PLXNC1: variants seen among roughly 807,000 people sequenced by gnomAD.
PLXNC1 encodes plexin C1, also known as plexin-C1.
In PLXNC1, 75 loss-of-function variants were observed where a neutral mutation model predicts 178.2. That is an observed-to-expected ratio of 0.42 (90% CI 0.35 to 0.51). The LOEUF (loss-of-function observed/expected upper bound fraction) is 0.51, where lower values mean the gene tolerates loss of function less well. Ranked by LOEUF, PLXNC1 falls within the 20% of genes least tolerant of loss-of-function variation. The pLI is 0.02. For synonymous variants in PLXNC1, 790 were observed against 779.9 expected (o/e 1.01, Z -0.22); for missense variants, 1,503 against 1,984.4 (o/e 0.76, Z 4.61).
chr12:94,206,239 C>A (rs1439524616), intron 4 of PLXNC1, among the ~76,000 whole-genome samples: 2 of 151,032 alleles, frequency 1.3e-5, no homozygotes, highest in African/African-American at 4.9e-5. Context: ...TGACTTGGGG[C>A]CGGAGTAGGT....
intron 12 of PLXNC1, among the ~76,000 whole-genome samples, chr12:94,244,715 A>T (rs1964481277): frequency 6.6e-6 from 1 of 152,222 alleles, no homozygotes; most frequent in African/African-American, 2.4e-5. Context: ...ACGATAGCTA[A>T]TGAGCTAAAA....
At chr12:94,157,920 C>T (rs892889314) in intron 1 of PLXNC1, among the ~76,000 whole-genome samples, 1 of 152,186 alleles carries the variant, frequency 6.6e-6, no homozygotes, top group South Asian at 2.1e-4. Context: ...TGTGAATTCC[C>T]TGTAATTTTC....
chr12:94,158,726 G>A (rs79834121), intron 1 of PLXNC1, among the ~76,000 whole-genome samples: 9 of 152,248 alleles, frequency 5.9e-5, no homozygotes, highest in South Asian at 2.1e-4. Flanking sequence ...GCTTGAGCCC[G>A]GGAGTTAAAA....
intron 5 of PLXNC1, among the ~76,000 whole-genome samples, chr12:94,214,908 T>A (rs1963598983): frequency 1.3e-5 from 2 of 152,316 alleles, no homozygotes; most frequent in South Asian, 4.1e-4. Context: ...GCTATTTTTT[T>A]TTTTTGAGAC....
chr12:94,188,612 C>T (rs1318975785), intron 4 of PLXNC1, among the ~76,000 whole-genome samples: 1 of 152,198 alleles, frequency 6.6e-6, no homozygotes, highest in Non-Finnish European at 1.5e-5. Context: ...CCGTGAGCCA[C>T]CACGCCCAGC....
chr12:94,228,739 C>T (rs1317958588), intron 9 of PLXNC1, among the ~76,000 whole-genome samples: 2 of 152,140 alleles, frequency 1.3e-5, no homozygotes, highest in Admixed American at 1.3e-4. Context: ...GAATTCCCTT[C>T]TTTTCTAAGG....
At chr12:94,164,961 G>A (rs1961552777) in intron 1 of PLXNC1, among the ~76,000 whole-genome samples, 1 of 152,170 alleles carries the variant, frequency 6.6e-6, no homozygotes, top group Non-Finnish European at 1.5e-5. Flanking sequence ...GGTTTAGAGC[G>A]AAATCAAGAT....
At chr12:94,249,932 G>GGGGGGT (rs1322557531) in intron 14 of PLXNC1, among the ~76,000 whole-genome samples, 1 of 133,082 alleles carries the variant, frequency 7.5e-6, no homozygotes, top group East Asian at 2.7e-4. Flanking sequence ...CACCAGTGTG[G>GGGGGGT]GGGGGTGGGG....
intron 6 of PLXNC1, among the ~76,000 whole-genome samples, chr12:94,220,520 C>T (rs1255786176): frequency 1.3e-5 from 2 of 152,192 alleles, no homozygotes; most frequent in Non-Finnish European, 2.9e-5. Flanking sequence ...AACCAATGTT[C>T]CATCAGTTTG....
intron 2 of PLXNC1, among the ~76,000 whole-genome samples, chr12:94,173,653 G>A (rs1961933673): frequency 6.6e-6 from 1 of 152,188 alleles, no homozygotes; most frequent in African/African-American, 2.4e-5. Flanking sequence ...CTGTCCCAGA[G>A]CCCGAGCTTC....
At position 94,289,540 on chromosome 12, in the gene PLXNC1, C is replaced by T. The variant is rs971378162; in HGVS notation, c.3880-4946C>T. Among the ~76,000 whole-genome samples the T allele has an allele frequency of 1.1e-4, 16 of 152,244 alleles. No homozygotes were observed. In the East Asian group the frequency reaches 1.2e-3, roughly 11 times the overall value. ...ATCCCTAAAGTAGGGGCCCAGAGGA[C>T]GCTCCCTGCCTCACAGGACTAGGGG... is the stretch of plus-strand genomic sequence containing the variant. On this transcript the variant is annotated intron_variant, in intron 23 of 30. Coordinates refer to ENST00000258526, the MANE Select transcript of PLXNC1 (RefSeq NM_005761.3).
intron 26 of PLXNC1, 143 bp from the exon 27 acceptor site, chr12:94,298,489 C>T (rs1470596905): frequency 2.9e-6 from 2 of 700,676 alleles, no homozygotes; most frequent in Non-Finnish European, 4.6e-6. Flanking sequence ...CCACATTTGA[C>T]AATTTTACAT....
chr12:94,250,799 G>A (rs150955488), intron 14 of PLXNC1, among the ~76,000 whole-genome samples: 28 of 151,894 alleles, frequency 1.8e-4, no homozygotes, highest in Admixed American at 7.9e-4. Context: ...TGGGAGGATC[G>A]CTTGAGTTCA....
chr12:94,262,990 G>C (rs1168830021), intron 20 of PLXNC1, among the ~76,000 whole-genome samples: 2 of 152,134 alleles, frequency 1.3e-5, no homozygotes, highest in Non-Finnish European at 2.9e-5. Context: ...ACAGCACCAG[G>C]GTCCGAGAGC....
Position 94,248,101 on chromosome 12 carries a change from A to G in PLXNC1, c.2587A>G (p.Ile863Val). Residue 863 changes from isoleucine to valine, a missense_variant, in exon 13 of 31, where the codon ATT becomes GTT. By Grantham distance (29) the Ile-to-Val change is conservative (BLOSUM62 3). Coordinates refer to ENST00000258526, the MANE Select transcript of PLXNC1 (RefSeq NM_005761.3). ...GGTGGACACAGAACTGGAAGTGAAA[A>G]TTCAAGTATGTTTCTTTTCTTTCTG... ...SEVDTELEVKIQKENDNFNIS... is the reference protein window; with the variant it reads ...SEVDTELEVKVQKENDNFNIS... The G allele has an allele frequency of 6.2e-7, 1 of 1,613,992 alleles. No individual in the cohort carries two copies. The highest frequency in any genetic ancestry group is 8.5e-7 in the Non-Finnish European group (1 of 1,179,876).
At chr12:94,285,475 G>T (rs1029919541) in intron 23 of PLXNC1, among the ~76,000 whole-genome samples, 7 of 152,182 alleles carry the variant, frequency 4.6e-5, no homozygotes, top group Non-Finnish European at 8.8e-5. Context: ...AAAGCTGCAG[G>T]CTAGCAACTT....
intron 9 of PLXNC1, among the ~76,000 whole-genome samples, chr12:94,234,476 G>T (rs1167732533): frequency 6.6e-6 from 1 of 152,220 alleles, no homozygotes; most frequent in East Asian, 1.9e-4. Flanking sequence ...AACAGGGACT[G>T]AAAGCCAGAG....
At chr12:94,276,183 A>G (rs1004454360) in intron 21 of PLXNC1, among the ~76,000 whole-genome samples, 3 of 152,212 alleles carry the variant, frequency 2.0e-5, no homozygotes, top group African/African-American at 4.8e-5. Context: ...TTATAAAACT[A>G]TTAAACAAGC....
At chr12:94,279,906 A>C in intron 22 of PLXNC1, 1 of 616,328 alleles carries the variant, frequency 1.6e-6, no homozygotes. Flanking sequence ...ACGTCTGTAA[A>C]TCAGATTGAT....
Sources: gnomAD v4.1 joint callset for allele counts (sites outside exome capture counted in the v4.1 genomes callset) on GRCh38, gnomAD v4.1.1 for gene constraint, MANE v1.5 for transcripts, NCBI Gene and HGNC (gene_info 2026-07-23, HGNC 2026-07-21) for gene names.